Variants in CDH18 observed in about 807,000 individuals in gnomAD.
CDH18 encodes cadherin 18.
A neutral mutation model predicts 67.9 loss-of-function variants in CDH18; 31 were observed. That is an observed-to-expected ratio of 0.46 (90% CI 0.34 to 0.62). The LOEUF (loss-of-function observed/expected upper bound fraction) is 0.62, where lower values mean the gene tolerates loss of function less well. CDH18 is among the 20% of genes least tolerant of loss of function. The probability of loss-of-function intolerance (pLI) is 0.01; values close to 1 mark genes in which losing one functional copy is unlikely to be tolerated. For missense variants in CDH18, 890 were observed against 975.5 expected (o/e 0.91, Z 1.17); for synonymous variants, 362 against 347.2 (o/e 1.04, Z -0.48).
At chr5:20,281,920 A>G (rs1371795556) in intron 1 of CDH18, among the ~76,000 whole-genome samples, 1 of 151,976 alleles carries the variant, frequency 6.6e-6, no homozygotes, top group Non-Finnish European at 1.5e-5. Flanking sequence ...CCTTGAACAG[A>G]TCCTTTGCAT....
chr5:20,052,256 T>C (rs1741493722), intron 2 of CDH18, among the ~76,000 whole-genome samples: 2 of 152,198 alleles, frequency 1.3e-5, no homozygotes, highest in East Asian at 1.9e-4. Flanking sequence ...ACATGGCATG[T>C]CAGGACCGTA....
intron 2 of CDH18, among the ~76,000 whole-genome samples, chr5:20,113,491 T>A (rs1186190892): frequency 6.6e-6 from 1 of 152,214 alleles, no homozygotes; most frequent in Non-Finnish European, 1.5e-5. Context: ...ATTGATTGCA[T>A]TCTCAAGCCA....
At chr5:19,746,210 G>A (rs1312159216) in intron 4 of CDH18, among the ~76,000 whole-genome samples, 1 of 152,110 alleles carries the variant, frequency 6.6e-6, no homozygotes. Context: ...ACCAGTGAGT[G>A]GTGAAAAAGC....
At chr5:20,204,855 A>T (rs901383677) in intron 2 of CDH18, among the ~76,000 whole-genome samples, 2 of 151,970 alleles carry the variant, frequency 1.3e-5, no homozygotes, top group Non-Finnish European at 2.9e-5. Flanking sequence ...TCTCTAAAAT[A>T]ACTTGTTTAA....
At chr5:19,832,314 A>G (rs1195734281) in intron 3 of CDH18, among the ~76,000 whole-genome samples, 2 of 152,140 alleles carry the variant, frequency 1.3e-5, no homozygotes, top group Non-Finnish European at 2.9e-5. Flanking sequence ...AAATATAACT[A>G]TAGATACAAA....
chr5:20,311,720 C>G (rs1049479615), intron 1 of CDH18, among the ~76,000 whole-genome samples: 1 of 152,020 alleles, frequency 6.6e-6, no homozygotes, highest in Non-Finnish European at 1.5e-5. Context: ...GTGCAGCAAA[C>G]CATCATGACA....
chr5:20,375,050 G>A (rs1185321065), intron 1 of CDH18, among the ~76,000 whole-genome samples: 2 of 152,172 alleles, frequency 1.3e-5, no homozygotes, highest in African/African-American at 4.8e-5. Context: ...ATATTTATAT[G>A]AGGCTTGTGA....
chr5:20,018,666 T>G (rs1262983887), intron 2 of CDH18, among the ~76,000 whole-genome samples: 2 of 152,178 alleles, frequency 1.3e-5, no homozygotes, highest in Non-Finnish European at 2.9e-5. Context: ...CAATTAATAT[T>G]GAAAGTGAGA....
chr5:20,461,528 C>T lies in CDH18; in HGVS notation c.-580+113934G>A, dbSNP rs150791665. On this transcript the variant is annotated intron_variant, in intron 1 of 14. Transcript: ENST00000507958. ...CAAACCTGATTATGGCAATCACTTTCGTGGTTTGTCTTTAATGTGAGGGCT... is the reference window on the plus strand; with the variant it reads ...CAAACCTGATTATGGCAATCACTTTTGTGGTTTGTCTTTAATGTGAGGGCT... Among the ~76,000 whole-genome samples the T allele has an allele frequency of 2.7e-3, 405 of 152,156 alleles. 3 individuals are homozygous for T. Among genetic ancestry groups the T allele is most frequent in the African/African-American group, 9.5e-3 (393 of 41,532 alleles).
At chr5:20,402,305 G>A (rs1433813830) in intron 1 of CDH18, among the ~76,000 whole-genome samples, 1 of 152,090 alleles carries the variant, frequency 6.6e-6, no homozygotes, top group Admixed American at 6.6e-5. Context: ...TTACTCTACT[G>A]GATAGAATAT....
intron 2 of CDH18, among the ~76,000 whole-genome samples, chr5:19,894,458 T>C (rs535233178): frequency 4.6e-5 from 7 of 152,124 alleles, no homozygotes; most frequent in African/African-American, 1.4e-4. Flanking sequence ...GACAAGATCA[T>C]AAGTCACTAG....
At chr5:20,305,516 CAGCGGCGCAGGGGTCTCG>C in intron 1 of CDH18, 1 of 962,436 alleles carries the variant, frequency 1.0e-6, no homozygotes, top group Non-Finnish European at 1.7e-6. Context: ...ACCCGGGGCG[CAGCGGCGCAGGGGTCTCG>C]AGCGGCTGGT....
intron 2 of CDH18, among the ~76,000 whole-genome samples, chr5:20,238,845 A>AAAAACT (rs1742670186): frequency 6.6e-6 from 1 of 152,142 alleles, no homozygotes; most frequent in Non-Finnish European, 1.5e-5. Flanking sequence ...TAAACATATA[A>AAAAACT]AGGCTATGAA....
intron 2 of CDH18, among the ~76,000 whole-genome samples, chr5:20,164,544 GAA>G (rs1395537463): frequency 6.6e-6 from 1 of 152,064 alleles, no homozygotes; most frequent in Non-Finnish European, 1.5e-5. Flanking sequence ...CAAAGTGCTA[GAA>G]TTACAGGTGT....
chr5:20,561,638 A>G (rs891536536), intron 1 of CDH18, among the ~76,000 whole-genome samples: 3 of 152,036 alleles, frequency 2.0e-5, no homozygotes, highest in Non-Finnish European at 4.4e-5. Flanking sequence ...TTTTTAGGGA[A>G]GCTCAACTAT....
At chr5:20,028,408 T>C (rs1739102373) in intron 2 of CDH18, among the ~76,000 whole-genome samples, 1 of 152,214 alleles carries the variant, frequency 6.6e-6, no homozygotes, top group Admixed American at 6.5e-5. Flanking sequence ...CACACATGTA[T>C]GTAACTTAGA....
intron 5 of CDH18, among the ~76,000 whole-genome samples, chr5:19,699,944 T>C (rs934067240): frequency 4.6e-5 from 7 of 152,130 alleles, no homozygotes; most frequent in Admixed American, 2.0e-4. Flanking sequence ...CTAGGAAATA[T>C]ACCTATGTAA....
chr5:20,148,056 C>G (rs1417240799), intron 2 of CDH18, among the ~76,000 whole-genome samples: 2 of 150,594 alleles, frequency 1.3e-5, no homozygotes, highest in Admixed American at 6.6e-5. Context: ...TCTACTTTAC[C>G]TTTGTTAAGC....
chr5:20,092,408 C>T (rs894910958), intron 2 of CDH18, among the ~76,000 whole-genome samples: 1 of 151,706 alleles, frequency 6.6e-6, no homozygotes, highest in Non-Finnish European at 1.5e-5. Flanking sequence ...AAGAGTGTCC[C>T]GACAGGTTAG....
Sources: gnomAD v4.1 joint callset for allele counts (sites outside exome capture counted in the v4.1 genomes callset) on GRCh38, gnomAD v4.1.1 for gene constraint, MANE v1.5 for transcripts, NCBI Gene and HGNC (gene_info 2026-07-23, HGNC 2026-07-21) for gene names.